The following TCF4 variants were observed in gnomAD, a reference collection of about 807,000 sequenced individuals.
The protein encoded by TCF4 is SL3-3 enhancer factor 2.
A neutral mutation model predicts 82.1 loss-of-function variants in TCF4; 3 were observed. That is an observed-to-expected ratio of 0.04 (90% CI 0.02 to 0.09). TCF4 has a LOEUF of 0.09. Among genes scored for constraint, TCF4 ranks in the 10% least tolerant of loss-of-function variants. TCF4 has a pLI of 1.00. For missense variants in TCF4, 518 were observed against 852.7 expected, an observed-to-expected ratio of 0.61 and a Z score of 4.89; for synonymous variants, 276 against 309.6, an observed-to-expected ratio of 0.89 and a Z score of 1.14.
intron 3 of TCF4, among the ~76,000 whole-genome samples, chr18:55,538,074 A>G (rs2097134945): frequency 6.7e-6 from 1 of 150,294 alleles, no homozygotes; most frequent in South Asian, 2.1e-4. Flanking sequence ...ACACGTCATT[A>G]GTTCAAATCA....
intron 8 of TCF4, among the ~76,000 whole-genome samples, chr18:55,340,206 C>T (rs1028402668): frequency 1.3e-5 from 2 of 152,116 alleles, no homozygotes; most frequent in African/African-American, 4.8e-5. Flanking sequence ...CTGATTTAGG[C>T]ATAAACAAAT....
chr18:55,631,056 T>G (rs1237643611), intron 2 of TCF4, among the ~76,000 whole-genome samples: 1 of 151,544 alleles, frequency 6.6e-6, no homozygotes, highest in Admixed American at 6.6e-5. Context: ...AATGGGTTTT[T>G]TTTTTTTTTT....
At chr18:55,383,200 A>G (rs1387245455) in intron 6 of TCF4, among the ~76,000 whole-genome samples, 2 of 152,212 alleles carry the variant, frequency 1.3e-5, no homozygotes, top group Non-Finnish European at 2.9e-5. Context: ...ACTAGAGTAT[A>G]AACAGTCTGA....
At chr18:55,327,842 GC>G (rs1216404140) in intron 8 of TCF4, among the ~76,000 whole-genome samples, 1 of 152,112 alleles carries the variant, frequency 6.6e-6, no homozygotes, top group Non-Finnish European at 1.5e-5. Flanking sequence ...AGAGACAGCA[GC>G]ATGCAAAATA....
chr18:55,571,175 G>T (rs1487204370), intron 3 of TCF4, among the ~76,000 whole-genome samples: 1 of 151,966 alleles, frequency 6.6e-6, no homozygotes, highest in Non-Finnish European at 1.5e-5. Context: ...GAACACAAAG[G>T]TTCATCAACT....
chr18:55,562,886 G>C (rs772040698), intron 3 of TCF4, among the ~76,000 whole-genome samples: 5 of 152,060 alleles, frequency 3.3e-5, no homozygotes, highest in Admixed American at 1.3e-4. Flanking sequence ...CAGATACATA[G>C]ATACATAAAT....
At chr18:55,272,845 T>C (rs2060667878) in intron 10 of TCF4, among the ~76,000 whole-genome samples, 1 of 152,024 alleles carries the variant, frequency 6.6e-6, no homozygotes, top group Admixed American at 6.6e-5. Flanking sequence ...AGGGAAAAAC[T>C]GCCATCAGTT....
intron 5 of TCF4, among the ~76,000 whole-genome samples, chr18:55,446,349 T>C (rs184519819): frequency 6.6e-6 from 1 of 152,328 alleles, no homozygotes; most frequent in Admixed American, 6.5e-5. Context: ...CCCTTTGTTT[T>C]ACTAACCTAC....
At chr18:55,232,789 T>C (rs2048271067) in intron 16 of TCF4, 118 bp from the exon 17 acceptor site, 2 of 1,318,238 alleles carry the variant, frequency 1.5e-6, no homozygotes, top group East Asian at 2.4e-5. Context: ...CTGTCACTTT[T>C]TTTTCCCCCT....
At chr18:55,532,977 TCAC>T (rs2097081079) in intron 3 of TCF4, among the ~76,000 whole-genome samples, 1 of 152,070 alleles carries the variant, frequency 6.6e-6, no homozygotes, top group Non-Finnish European at 1.5e-5. Context: ...AAACAAAAAA[TCAC>T]CAACACAGTG....
chr18:55,321,670 C>A, intron 8 of TCF4: 2 of 1,536,134 alleles, frequency 1.3e-6, no homozygotes, highest in Non-Finnish European at 1.7e-6. Flanking sequence ...ATTCGCTTAC[C>A]GCTTTCCCAT....
intron 8 of TCF4, among the ~76,000 whole-genome samples, chr18:55,349,927 C>T (rs1385608809): frequency 6.6e-6 from 1 of 152,122 alleles, no homozygotes; most frequent in Non-Finnish European, 1.5e-5. Context: ...AAAATAGAGA[C>T]ATTCTTCCTG....
Position 55,255,266 on chromosome 18 carries a change from G to A in TCF4, c.1147-566C>T, listed in dbSNP as rs553161453. Among the ~76,000 whole-genome samples the A allele has an allele frequency of 2.3e-4, 35 of 152,248 alleles. No individual in the cohort carries two copies. The South Asian group carries it at 4.1e-3, about 18-fold the overall frequency. On this transcript the variant is annotated intron_variant, in intron 14 of 19. Coordinates refer to ENST00000354452, the MANE Select transcript of TCF4 (RefSeq NM_001083962.2). ...GGCTTCCTGTCATCAAAACCAGTGG[G>A]TGTGTGGTGGTATGCGTGTAAGGGC... is the stretch of plus-strand genomic sequence containing the variant.
chr18:55,364,808 G>T (rs955505894), intron 6 of TCF4, among the ~76,000 whole-genome samples: 4 of 152,064 alleles, frequency 2.6e-5, no homozygotes, highest in African/African-American at 9.7e-5. Context: ...TATAAGCTAA[G>T]TTGATTTTCA....
At chr18:55,467,517 A>G (rs2096057586) in intron 3 of TCF4, among the ~76,000 whole-genome samples, 1 of 152,150 alleles carries the variant, frequency 6.6e-6, no homozygotes. Context: ...TGAGAACCAC[A>G]GGACTACTCC....
chr18:55,511,198 T>C (rs1167412331), intron 3 of TCF4, among the ~76,000 whole-genome samples: 2 of 152,030 alleles, frequency 1.3e-5, no homozygotes, highest in Non-Finnish European at 2.9e-5. Context: ...CACGGAATTA[T>C]TTTTCAACAT....
intron 6 of TCF4, among the ~76,000 whole-genome samples, chr18:55,365,189 A>ATGTGTG (rs1275422832): frequency 5.5e-5 from 6 of 108,590 alleles, no homozygotes; most frequent in African/African-American, 2.2e-4. Flanking sequence ...ATATATATAT[A>ATGTGTG]TATGTGTGTG....
At chr18:55,561,866 A>C (rs1256208379) in intron 3 of TCF4, among the ~76,000 whole-genome samples, 1 of 152,230 alleles carries the variant, frequency 6.6e-6, no homozygotes, top group Non-Finnish European at 1.5e-5. Flanking sequence ...AGAGCAATAA[A>C]AAATTAGTGA....
At chr18:55,283,297 ATTTATTCT>A (rs1214660113) in intron 8 of TCF4, among the ~76,000 whole-genome samples, 6 of 152,128 alleles carry the variant, frequency 3.9e-5, no homozygotes, top group Non-Finnish European at 8.8e-5. Flanking sequence ...AAAAAATTTA[ATTTATTCT>A]AAATAAAACC....
Sources: gnomAD v4.1 joint callset for allele counts (sites outside exome capture counted in the v4.1 genomes callset) on GRCh38, gnomAD v4.1.1 for gene constraint, MANE v1.5 for transcripts, NCBI Gene and HGNC (gene_info 2026-07-23, HGNC 2026-07-21) for gene names.